The following ZNF207 variants were observed in gnomAD, a reference collection of about 807,000 sequenced individuals.
ZNF207 encodes BUB3-interacting and GLEBS motif-containing protein ZNF207.
Under a neutral mutation model 60.2 loss-of-function variants are expected in ZNF207, and 24 were observed. The observed-to-expected ratio is 0.40, with a 90% CI of 0.29 to 0.56. The LOEUF (loss-of-function observed/expected upper bound fraction) is 0.56. Among genes scored for constraint, ZNF207 ranks in the 20% least tolerant of loss-of-function variants. The pLI is 0.49. For missense variants in ZNF207, 452 were observed against 636.6 expected, an observed-to-expected ratio of 0.71 and a Z score of 3.12; for synonymous variants, 236 against 194.7, an observed-to-expected ratio of 1.21 and a Z score of -1.77.
intron 2 of ZNF207, among the ~76,000 whole-genome samples, chr17:32,357,704 G>T (rs1247202471): frequency 6.6e-6 from 1 of 151,554 alleles, no homozygotes; most frequent in East Asian, 1.9e-4. Context: ...CCAGGCTGGA[G>T]TGCTCACTGC....
In ZNF207 at chr17:32,350,962, A is replaced by T. The variant is rs1055466402; in HGVS notation, c.41+636A>T. The T allele has an allele frequency of 2.0e-5, 3 of 151,656 alleles. No individual in the cohort carries two copies. In the East Asian group the frequency reaches 5.8e-4, roughly 29 times the overall value. 9.4% of individuals were successfully genotyped at this position (151,656 alleles called of 1,614,324 possible). A position where few individuals can be genotyped will look rare whatever the true frequency, so the allele number is the denominator to read the frequency against. On this transcript the variant is annotated intron_variant, in intron 1 of 11. Coordinates refer to ENST00000394670, the MANE Select transcript of ZNF207 (RefSeq NM_001098507.2). The stretch of plus-strand genomic sequence containing the variant: ...AGTTTCTGTTACCCAACTTTGTAGG[A>T]CTAAAAAGTGCCTATCTTATTAGGA...
Position 32,371,109 on chromosome 17 carries a change from T to C in ZNF207, c.*1350T>C, listed in dbSNP as rs951524991. On this transcript the variant is annotated 3_prime_UTR_variant, in exon 12 of 12. Coordinates refer to ENST00000394670, the MANE Select transcript of ZNF207 (RefSeq NM_001098507.2). ...CAACCTCTTAAAATAATAGCTCTTG[T>C]TGACCTTTTTGGGATCTGTTTTTCT... The C allele has an allele frequency of 2.6e-5, 4 of 152,208 alleles. No homozygotes were observed. Among genetic ancestry groups the C allele is most frequent in the African/African-American group, 7.2e-5 (3 of 41,442 alleles). 9.4% of individuals were successfully genotyped at this position (152,208 alleles called of 1,614,324 possible).
Position 32,369,155 on chromosome 17 carries a change from C to G in ZNF207, c.1165-140C>G, listed in dbSNP as rs562453346. 5.7e-6 allele frequency: 5 copies of G among 874,608 alleles called. No homozygotes were observed. In the East Asian group the frequency reaches 1.0e-4, roughly 18 times the overall value. 54.2% of individuals were successfully genotyped at this position (874,608 alleles called of 1,614,324 possible). A position where few individuals can be genotyped will look rare whatever the true frequency, so the allele number is the denominator to read the frequency against. On this transcript the variant is annotated intron_variant, in intron 10 of 11. Coordinates refer to ENST00000394670, the MANE Select transcript of ZNF207 (RefSeq NM_001098507.2). ...AGTTTAAGTAGTTGGATTGGTTTGT[C>G]TGGCAAAAGTAAATAGTTGGGATGT... is the stretch of plus-strand genomic sequence containing the variant.
rs1218331270 is a variant in ZNF207 at position 32,379,382 on chromosome 17, C to G, written c.*9623C>G. 3 of 152,020 alleles carry G rather than the reference C, an allele frequency of 2.0e-5. No individual in the cohort carries two copies. Among genetic ancestry groups the G allele is most frequent in the Non-Finnish European group, 4.4e-5 (3 of 67,940 alleles). 9.4% of individuals were successfully genotyped at this position (152,020 alleles called of 1,614,324 possible). On this transcript the variant is annotated 3_prime_UTR_variant, in exon 12 of 12. Coordinates refer to ENST00000394670, the MANE Select transcript of ZNF207 (RefSeq NM_001098507.2). The stretch of plus-strand genomic sequence containing the variant: ...CACCTGGCATTTCCCTTTTAATTTG[C>G]TAGTTCACTTTTTTCTGACCTTCAC...
rs757174445 is a variant in ZNF207, at chr17:32,358,643, T to A, written c.307+2T>A. On this transcript the variant is annotated splice_donor_variant, in intron 3 of 11. Coordinates refer to ENST00000394670, the MANE Select transcript of ZNF207 (RefSeq NM_001098507.2). LOFTEE classifies it high-confidence loss of function. ...GACTTCTTGAACAGAAAACACAAGG[T>A]AAATATTGGGATAAGTTTTATTTTA... The A allele has an allele frequency of 2.0e-6, 3 of 1,473,246 alleles. No individual in the cohort carries two copies. In the South Asian group the frequency reaches 4.8e-5, roughly 24 times the overall value. 91.3% of individuals were successfully genotyped at this position (1,473,246 alleles called of 1,614,324 possible).
At chr17:32,361,127 G>A in intron 5 of ZNF207, 160 bp downstream of exon 5, 1 of 801,702 alleles carries the variant, frequency 1.2e-6, no homozygotes, top group Non-Finnish European at 1.9e-6. Context: ...GTAAATTTAA[G>A]GAATATAAAT....
chr17:32,357,467 G>C (rs1379391284), intron 2 of ZNF207, among the ~76,000 whole-genome samples: 3 of 150,492 alleles, frequency 2.0e-5, no homozygotes, highest in African/African-American at 4.9e-5. Context: ...TTCTGCCTCA[G>C]CCTCCTGAGT....
Position 32,373,618 on chromosome 17 carries a change from G to GT in ZNF207, c.*3862dup. The GT allele has an allele frequency of 2.5e-6, 1 of 397,530 alleles. No individual in the cohort carries two copies. 24.6% of individuals were successfully genotyped at this position (397,530 alleles called of 1,614,324 possible). ...GAGAAGGCTCTATATTAATATTCAC[G>GT]TTTGACTGTGGTGTTAATAAACATA... On this transcript the variant is annotated 3_prime_UTR_variant, in exon 12 of 12. Coordinates refer to ENST00000394670, the MANE Select transcript of ZNF207 (RefSeq NM_001098507.2).
At chr17:32,369,072 C>G in intron 10 of ZNF207, 1 of 481,136 alleles carries the variant, frequency 2.1e-6, no homozygotes, top group South Asian at 3.8e-5. Flanking sequence ...TTGTAATTCC[C>G]GGAAAGTTGT....
chr17:32,372,429 T>C lies in ZNF207; in HGVS notation c.*2670T>C, dbSNP rs1567829963. 1 of 152,250 alleles carries C rather than the reference T, an allele frequency of 6.6e-6. No homozygotes were observed. The highest frequency in any genetic ancestry group is 6.5e-5 in the Admixed American group (1 of 15,288). 9.4% of individuals were successfully genotyped at this position (152,250 alleles called of 1,614,324 possible). On this transcript the variant is annotated 3_prime_UTR_variant, in exon 12 of 12. Coordinates refer to ENST00000394670, the MANE Select transcript of ZNF207 (RefSeq NM_001098507.2). ...GTTAGTAGACCTGTTTCAGAAATTA[T>C]GTGAAGCTTTATTTGCATTTTATGC...
In ZNF207 at chr17:32,372,462, G is replaced by T. The variant is rs1905516114; in HGVS notation, c.*2703G>T. On this transcript the variant is annotated 3_prime_UTR_variant, in exon 12 of 12. Transcript: ENST00000394670. ...TTTATTTGCATTTTATGCAAAGAAGGTTGATACTTTGTAGCAAGGTTTTTT... is the reference window on the plus strand; with the variant it reads ...TTTATTTGCATTTTATGCAAAGAAGTTTGATACTTTGTAGCAAGGTTTTTT... 6.6e-6 allele frequency: 1 copy of T among 152,188 alleles called. No homozygotes were observed. Among genetic ancestry groups the T allele is most frequent in the Non-Finnish European group, 1.5e-5 (1 of 68,032 alleles). 9.4% of individuals were successfully genotyped at this position (152,188 alleles called of 1,614,324 possible).
Position 32,375,071 on chromosome 17 carries a change from A to G in ZNF207, c.*5312A>G, listed in dbSNP as rs1905631858. 6.6e-6 allele frequency: 1 copy of G among 152,240 alleles called. No individual in the cohort carries two copies. The highest frequency in any genetic ancestry group is 2.1e-4 in the South Asian group (1 of 4,832). 9.4% of individuals were successfully genotyped at this position (152,240 alleles called of 1,614,324 possible). A position where few individuals can be genotyped will look rare whatever the true frequency, so the allele number is the denominator to read the frequency against. On this transcript the variant is annotated 3_prime_UTR_variant, in exon 12 of 12. Coordinates refer to ENST00000394670, the MANE Select transcript of ZNF207 (RefSeq NM_001098507.2). ...AGATAGCAGTTTACTCTGAGCAGTA[A>G]CAATGAACAAGCAGTATAGCATTTA...
rs983725119 is a variant in ZNF207, at chr17:32,371,243, T to C, written c.*1484T>C. On this transcript the variant is annotated 3_prime_UTR_variant, in exon 12 of 12. Coordinates refer to ENST00000394670, the MANE Select transcript of ZNF207 (RefSeq NM_001098507.2). Reference sequence around the variant, plus strand: ...TTTCTCATTATAAAGTTAAGACTTCTAAGAAAATGGTAACATTTCTTTATA... The same window carrying C: ...TTTCTCATTATAAAGTTAAGACTTCCAAGAAAATGGTAACATTTCTTTATA... 10 of 152,364 alleles carry C rather than the reference T, an allele frequency of 6.6e-5. 1 individual carries two copies. In the South Asian group the frequency reaches 8.3e-4, roughly 13 times the overall value. The allele number at this position is 152,364 out of a possible 1,614,324, so 9.4% of individuals were successfully genotyped here.
chr17:32,369,096 A>G (rs1350937300), intron 10 of ZNF207, 199 bp from the exon 11 acceptor site: 6 of 526,378 alleles, frequency 1.1e-5, no homozygotes, highest in Non-Finnish European at 2.0e-5. Context: ...CCATGCTTCA[A>G]GTTTACAAAT....
Position 32,362,815 on chromosome 17 carries a change from G to C in ZNF207, c.600-99G>C, listed in dbSNP as rs1904959206. On this transcript the variant is annotated intron_variant, in intron 6 of 11. Coordinates refer to ENST00000394670, the MANE Select transcript of ZNF207 (RefSeq NM_001098507.2). ...TTTCAGTATTAGAGGTCAGATTCAA[G>C]TCTTCTATCTAGTGTTGTTTCAGGC... 4.6e-6 allele frequency: 4 copies of C among 876,628 alleles called. No individual in the cohort carries two copies. The Admixed American group carries it at 1.0e-4, about 22-fold the overall frequency. The allele number at this position is 876,628 out of a possible 1,614,324, so 54.3% of individuals were successfully genotyped here.
At chr17:32,354,122 T>C (rs1904359345) in intron 2 of ZNF207, among the ~76,000 whole-genome samples, 1 of 152,116 alleles carries the variant, frequency 6.6e-6, no homozygotes, top group Non-Finnish European at 1.5e-5. Flanking sequence ...ACAACAATTG[T>C]GTACCACCAT....
intron 7 of ZNF207, among the ~76,000 whole-genome samples, chr17:32,363,485 TTTG>T (rs1361561632): frequency 6.6e-6 from 1 of 151,032 alleles, no homozygotes; most frequent in Non-Finnish European, 1.5e-5. Context: ...AGCGCTTGTA[TTTG>T]TTAGGAATGT....
intron 1 of ZNF207, chr17:32,351,055 A>G (rs2041497145): frequency 6.5e-6 from 1 of 153,440 alleles, no homozygotes; most frequent in Non-Finnish European, 1.4e-5. Context: ...ATTAAAATTG[A>G]TTTTATTTAC....
Position 32,366,665 on chromosome 17 carries a change from A to T in ZNF207, c.829A>T (p.Met277Leu). 6.2e-7 allele frequency: 1 copy of T among 1,601,804 alleles called. No individual in the cohort carries two copies. The highest frequency in any genetic ancestry group is 8.5e-7 in the Non-Finnish European group (1 of 1,175,802). ...TTGTTTCCTTTCTTTTATGCTACAGATGGGGACACCTGTCACAAGCTCAAG... is the reference window on the plus strand; with the variant it reads ...TTGTTTCCTTTCTTTTATGCTACAGTTGGGGACACCTGTCACAAGCTCAAG... The part of the protein sequence containing the change: ...TKPLFPSAGQ[M>L]GTPVTSSSTA... Residue 277 changes from methionine to leucine, a missense_variant and splice_region_variant, in exon 9 of 12, where the codon ATG (methionine) becomes TTG (leucine). This residue lies in a region of ZNF207 where 390 missense variants were observed against 461.4 expected (regional missense o/e 0.85). Transcript: ENST00000394670.
Sources: allele counts gnomAD v4.1 joint callset (sites outside exome capture counted in the v4.1 genomes callset), GRCh38; gene constraint gnomAD v4.1.1; regional missense constraint gnomAD v4.1.1; transcripts MANE v1.5; gene names NCBI Gene and HGNC (gene_info 2026-07-23, HGNC 2026-07-21).